ZBTB16: variants seen among roughly 807,000 people sequenced by gnomAD.
The protein encoded by ZBTB16 is zinc finger and BTB domain-containing protein 16.
Under a neutral mutation model 56.8 loss-of-function variants are expected in ZBTB16, and 8 were observed. The observed-to-expected ratio is 0.14, with a 90% CI of 0.08 to 0.25. The LOEUF (loss-of-function observed/expected upper bound fraction) is 0.25. Among genes scored for constraint, ZBTB16 ranks in the 10% least tolerant of loss-of-function variants. The pLI, the probability that ZBTB16 is intolerant of heterozygous loss-of-function variation, is 1.00. For missense variants in ZBTB16, 625 were observed against 903.0 expected (o/e 0.69, Z 3.95); for synonymous variants, 363 against 368.5 (o/e 0.98, Z 0.17).
chr11:114,236,552 C>T (rs1004551954), intron 4 of ZBTB16, among the ~76,000 whole-genome samples: 3 of 152,134 alleles, frequency 2.0e-5, no homozygotes, highest in Non-Finnish European at 4.4e-5. Context: ...AGATCCGCTG[C>T]CTGTGGGTCA....
chr11:114,246,367 C>T (rs141754764), intron 5 of ZBTB16, among the ~76,000 whole-genome samples: 15 of 152,282 alleles, frequency 9.9e-5, no homozygotes, highest in African/African-American at 3.1e-4. Flanking sequence ...TGCCGTTTCA[C>T]CTTAGGGATG....
At chr11:114,106,009 A>G (rs975096670) in intron 2 of ZBTB16, among the ~76,000 whole-genome samples, 6 of 152,244 alleles carry the variant, frequency 3.9e-5, no homozygotes, top group Non-Finnish European at 7.3e-5. Flanking sequence ...TGCTTTACAC[A>G]TGACGGCTTT....
intron 4 of ZBTB16, among the ~76,000 whole-genome samples, chr11:114,241,812 C>T (rs1944709636): frequency 6.6e-6 from 1 of 152,154 alleles, no homozygotes; most frequent in South Asian, 2.1e-4. Context: ...CTTGCCTCCC[C>T]CACTTTTTGC....
At chr11:114,151,396 T>G (rs540433039) in intron 2 of ZBTB16, among the ~76,000 whole-genome samples, 146 of 152,300 alleles carry the variant, frequency 9.6e-4, no homozygotes, top group Admixed American at 1.5e-3. Context: ...ATAAATGCCC[T>G]TACAGGATGG....
rs1250961915 is a variant in ZBTB16, at chr11:114,252,270, G to A, written c.*1715G>A. Among the ~76,000 whole-genome samples, 1 of 151,798 alleles carries A rather than the reference G, an allele frequency of 6.6e-6. No homozygotes were observed. Among genetic ancestry groups the A allele is most frequent in the Non-Finnish European group, 1.5e-5 (1 of 67,978 alleles). On this transcript the variant is annotated 3_prime_UTR_variant, in exon 7 of 7. Coordinates refer to ENST00000335953, the MANE Select transcript of ZBTB16 (RefSeq NM_006006.6). ...ATCCCACCTTTCTTACAATTTGCTG[G>A]GCCATTGAGGTTTGAGGGCCTGTGT...
chr11:114,186,924 A>T, intron 3 of ZBTB16, 28 bp from the exon 4 acceptor site: 1 of 1,608,876 alleles, frequency 6.2e-7, no homozygotes, highest in Non-Finnish European at 8.5e-7. Context: ...CTATTGCTCT[A>T]GTGGTAACTG....
chr11:114,234,889 G>A (rs1402718208), intron 4 of ZBTB16, among the ~76,000 whole-genome samples: 1 of 152,214 alleles, frequency 6.6e-6, no homozygotes, highest in African/African-American at 2.4e-5. Flanking sequence ...TGGGGGCAAA[G>A]GGAGGAGAAG....
At chr11:114,185,449 G>A (rs1943339269) in intron 3 of ZBTB16, among the ~76,000 whole-genome samples, 1 of 152,248 alleles carries the variant, frequency 6.6e-6, no homozygotes, top group African/African-American at 2.4e-5. Flanking sequence ...TACCTATGGA[G>A]GTGGGTGGCT....
intron 2 of ZBTB16, among the ~76,000 whole-genome samples, chr11:114,098,143 A>G (rs1247870423): frequency 2.0e-5 from 3 of 152,144 alleles, no homozygotes; most frequent in African/African-American, 7.2e-5. Flanking sequence ...TATTCACATG[A>G]AAATTTAAAG....
chr11:114,155,436 AG>A (rs1359537495), intron 2 of ZBTB16, among the ~76,000 whole-genome samples: 1 of 151,354 alleles, frequency 6.6e-6, no homozygotes, highest in Non-Finnish European at 1.5e-5. Flanking sequence ...TGACTGAGCT[AG>A]GGGTCTGGTG....
intron 4 of ZBTB16, among the ~76,000 whole-genome samples, chr11:114,205,788 T>G (rs576891732): frequency 2.6e-4 from 39 of 152,244 alleles, no homozygotes; most frequent in Non-Finnish European, 5.0e-4. Context: ...CATATTCATT[T>G]TAGTTACAGG....
intron 2 of ZBTB16, among the ~76,000 whole-genome samples, chr11:114,081,907 A>G (rs1335607317): frequency 6.6e-6 from 1 of 151,974 alleles, no homozygotes; most frequent in Non-Finnish European, 1.5e-5. Flanking sequence ...AAGAATGGAG[A>G]GAAAATGAGT....
intron 4 of ZBTB16, among the ~76,000 whole-genome samples, chr11:114,206,656 T>C (rs1943881712): frequency 2.0e-5 from 3 of 152,212 alleles, no homozygotes; most frequent in Non-Finnish European, 4.4e-5. Flanking sequence ...TTTTACAAAA[T>C]AGAAAAATTA....
intron 4 of ZBTB16, among the ~76,000 whole-genome samples, chr11:114,226,775 T>C (rs1426337538): frequency 6.6e-6 from 1 of 152,146 alleles, no homozygotes; most frequent in East Asian, 1.9e-4. Context: ...TCCCTGAAAC[T>C]GATTTATAGA....
intron 2 of ZBTB16, among the ~76,000 whole-genome samples, chr11:114,125,049 C>T (rs1941468549): frequency 6.6e-6 from 1 of 152,026 alleles, no homozygotes; most frequent in African/African-American, 2.4e-5. Context: ...CCACAGATCC[C>T]AGATCCTTTA....
chr11:114,172,073 G>A (rs1000657848), intron 3 of ZBTB16, among the ~76,000 whole-genome samples: 20 of 152,150 alleles, frequency 1.3e-4, no homozygotes, highest in Non-Finnish European at 2.4e-4. Flanking sequence ...CCTTTCACTC[G>A]CTTAGCTGAA....
intron 3 of ZBTB16, among the ~76,000 whole-genome samples, chr11:114,182,748 A>T (rs1249467745): frequency 5.9e-5 from 9 of 152,334 alleles, no homozygotes; most frequent in Middle Eastern, 3.4e-3. Flanking sequence ...TAGTGGCTGC[A>T]TGATGTCACC....
intron 3 of ZBTB16, among the ~76,000 whole-genome samples, chr11:114,179,231 G>A (rs1943188727): frequency 1.3e-5 from 2 of 151,838 alleles, no homozygotes; most frequent in Non-Finnish European, 1.5e-5. Flanking sequence ...TCTGGTTCTG[G>A]ATCAGCTTTT....
At position 114,212,974 on chromosome 11, in the gene ZBTB16, G is replaced by T. The variant is rs556965697; in HGVS notation, c.1453+25936G>T. 4.6e-5 allele frequency among the ~76,000 whole-genome samples: 7 copies of T among 152,066 alleles called. No individual in the cohort carries two copies. In the East Asian group the frequency reaches 1.2e-3, roughly 25 times the overall value. ...CACTGGATGGTCTGGACATCCTTCT[G>T]AACAGCTGACTTTGTTTCTTCCTTC... On this transcript the variant is annotated intron_variant, in intron 4 of 6. Transcript: ENST00000335953.
Sources: gnomAD v4.1 joint callset for allele counts (sites outside exome capture counted in the v4.1 genomes callset) on GRCh38, gnomAD v4.1.1 for gene constraint, MANE v1.5 for transcripts, NCBI Gene and HGNC (gene_info 2026-07-23, HGNC 2026-07-21) for gene names.